Variants in ZNF253 observed in about 807,000 individuals in gnomAD.
ZNF253 encodes zinc finger protein 253.
Under a neutral mutation model 11.9 loss-of-function variants are expected in ZNF253, and 8 were observed. The observed-to-expected ratio is 0.67, with a 90% CI of 0.40 to 1.22. ZNF253 has a LOEUF of 1.22. Among genes scored for constraint, ZNF253 ranks in the 50% most tolerant of loss-of-function variants. The probability of loss-of-function intolerance (pLI) is 0.01; values close to 1 mark genes in which losing one functional copy is unlikely to be tolerated. For missense variants in ZNF253, 485 were observed against 586.9 expected (o/e 0.83, Z 1.79); for synonymous variants, 194 against 194.9 (o/e 1.00, Z 0.04).
rs2063245952 is a variant in ZNF253, at chr19:19,894,419, G to T, written c.*1672G>T. On this transcript the variant is annotated 3_prime_UTR_variant, in exon 4 of 4. Coordinates refer to ENST00000589717, the MANE Select transcript of ZNF253 (RefSeq NM_021047.3). ...ATTATGTATGACCTTTTCTATAAAAGAGTAAGGACATTAAAATGTAAGATG... is the reference window on the plus strand; with the variant it reads ...ATTATGTATGACCTTTTCTATAAAATAGTAAGGACATTAAAATGTAAGATG... 1 of 152,170 alleles carries T rather than the reference G, an allele frequency of 6.6e-6. No homozygotes were observed. The highest frequency in any genetic ancestry group is 1.5e-5 in the Non-Finnish European group (1 of 68,018). The allele number at this position is 152,170 out of a possible 1,614,324, so 9.4% of individuals were successfully genotyped here. A position where few individuals can be genotyped will look rare whatever the true frequency, so the allele number is the denominator to read the frequency against.
At chr19:19,872,599 AT>A (rs1333308970) in intron 1 of ZNF253, among the ~76,000 whole-genome samples, 99 of 136,796 alleles carry the variant, frequency 7.2e-4, no homozygotes, top group African/African-American at 2.9e-3. Flanking sequence ...ATATATATAT[AT>A]AATCAAGTTT....
At chr19:19,885,217 TTCTTTCTTTCTTTC>T (rs1212139740) in intron 3 of ZNF253, among the ~76,000 whole-genome samples, 2 of 40,804 alleles carry the variant, frequency 4.9e-5, no homozygotes, top group South Asian at 7.9e-4. Flanking sequence ...TTTTTTTGTA[TTCTTTCTTTCTTTC>T]TTTCTTTCTT....
intron 1 of ZNF253, among the ~76,000 whole-genome samples, chr19:19,868,200 A>G (rs2063119296): frequency 1.3e-5 from 2 of 152,078 alleles, no homozygotes. Flanking sequence ...TAGTTCAAAT[A>G]GGTCCCATTG....
At chr19:19,867,505 C>T (rs754194657) in intron 1 of ZNF253, among the ~76,000 whole-genome samples, 2 of 152,142 alleles carry the variant, frequency 1.3e-5, no homozygotes, top group African/African-American at 4.8e-5. Context: ...TTGATCTACA[C>T]GCTGGTGTTA....
rs922154760 is a variant in ZNF253 at position 19,865,923 on chromosome 19, G to C, written c.-74G>C. ...CTGTGTCCTGTGCTTATAGAGGCCC[G>C]TCCTCTGTGGCCGTGTGACCTGCAA... On this transcript the variant is annotated 5_prime_UTR_variant, in exon 1 of 4. Coordinates refer to ENST00000589717, the MANE Select transcript of ZNF253 (RefSeq NM_021047.3). The C allele has an allele frequency of 6.3e-7, 1 of 1,591,908 alleles. No individual in the cohort carries two copies. Among genetic ancestry groups the C allele is most frequent in the African/African-American group, 1.3e-5 (1 of 74,420 alleles).
intron 3 of ZNF253, among the ~76,000 whole-genome samples, chr19:19,890,728 G>C (rs533914090): frequency 1.3e-5 from 2 of 151,916 alleles, no homozygotes; most frequent in South Asian, 4.2e-4. Context: ...TCACCATGTT[G>C]GTCAGGCTGG....
chr19:19,867,092 A>ACCT (rs1367975862), intron 1 of ZNF253, among the ~76,000 whole-genome samples: 1 of 152,168 alleles, frequency 6.6e-6, no homozygotes, highest in Non-Finnish European at 1.5e-5. Flanking sequence ...TGTAATAACA[A>ACCT]CACTTCAGGA....
intron 3 of ZNF253, 146 bp downstream of exon 3, chr19:19,880,292 T>TC (rs1555777625): frequency 4.8e-6 from 2 of 413,330 alleles, no homozygotes; most frequent in Non-Finnish European, 8.1e-6. Context: ...TTTTTTTTTT[T>TC]CTCCCACAAA....
At chr19:19,885,279 C>CTT (rs367969173) in intron 3 of ZNF253, among the ~76,000 whole-genome samples, 1 of 33,940 alleles carries the variant, frequency 2.9e-5, no homozygotes, top group South Asian at 9.5e-4. Flanking sequence ...TTCTTTCTTT[C>CTT]TTTCTTTCTT....
chr19:19,875,457 T>C (rs930806967), intron 1 of ZNF253, among the ~76,000 whole-genome samples: 2 of 151,324 alleles, frequency 1.3e-5, no homozygotes, highest in African/African-American at 4.9e-5. Context: ...AGTGCAGTGG[T>C]GGATCTCGGC....
chr19:19,882,403 G>A (rs2063181666), intron 3 of ZNF253, among the ~76,000 whole-genome samples: 1 of 151,986 alleles, frequency 6.6e-6, no homozygotes, highest in Non-Finnish European at 1.5e-5. Context: ...AAGGCTGCTG[G>A]GTCTACCTTT....
chr19:19,879,219 TA>T (rs201483285), intron 2 of ZNF253, among the ~76,000 whole-genome samples: 3 of 151,570 alleles, frequency 2.0e-5, no homozygotes, highest in East Asian at 1.9e-4. Flanking sequence ...CTTAACATGG[TA>T]AAAAAAAATT....
At chr19:19,885,300 T>TTC (rs1555778001) in intron 3 of ZNF253, among the ~76,000 whole-genome samples, 2 of 40,936 alleles carry the variant, frequency 4.9e-5, no homozygotes, top group Non-Finnish European at 7.7e-5. Context: ...TCTCTTTCTT[T>TTC]TCTTTCTTTC....
At chr19:19,873,253 TAAAA>T (rs2063142107) in intron 1 of ZNF253, among the ~76,000 whole-genome samples, 1 of 152,150 alleles carries the variant, frequency 6.6e-6, no homozygotes, top group Non-Finnish European at 1.5e-5. Context: ...TATTTACCTG[TAAAA>T]TGGGATACTG....
At chr19:19,883,536 C>T (rs963789362) in intron 3 of ZNF253, among the ~76,000 whole-genome samples, 4 of 152,078 alleles carry the variant, frequency 2.6e-5, no homozygotes, top group African/African-American at 7.2e-5. Flanking sequence ...AATTGTGCCA[C>T]TACATTGCAG....
chr19:19,888,004 G>T (rs2063213309), intron 3 of ZNF253, among the ~76,000 whole-genome samples: 2 of 151,744 alleles, frequency 1.3e-5, no homozygotes, highest in Admixed American at 1.3e-4. Flanking sequence ...TGACTGGAAA[G>T]ATAATTATAT....
intron 3 of ZNF253, among the ~76,000 whole-genome samples, chr19:19,885,357 CCTTTCTTTTCTTTCTTTT>C (rs557501955): frequency 1.0e-4 from 3 of 29,900 alleles, no homozygotes; most frequent in Non-Finnish European, 1.6e-4. Context: ...TTTCTTTCTT[CCTTTCTTTTCTTTCTTTT>C]CTTTCTTTTC....
At chr19:19,884,074 A>AT in intron 3 of ZNF253, among the ~76,000 whole-genome samples, 1 of 151,994 alleles carries the variant, frequency 6.6e-6, no homozygotes, top group African/African-American at 2.4e-5. Flanking sequence ...AAAAAAAAAA[A>AT]AGATACCTCA....
At position 19,892,101 on chromosome 19, in the gene ZNF253, A is replaced by C; in HGVS notation, c.854A>C (p.Lys285Thr). ...GTTCATACTGGAGAGAAACCCTACA[A>C]ATGTGAAGAATGTGGCAAAGCCTTT... ...KIVHTGEKPYKCEECGKAFKH... is the reference protein window; with the variant it reads ...KIVHTGEKPYTCEECGKAFKH... The change falls in exon 4 of 4, where the codon AAA becomes ACA. Residue 285 changes from lysine to threonine, a missense_variant. By Grantham distance (78) the Lys-to-Thr change is moderately conservative. Coordinates refer to ENST00000589717, the MANE Select transcript of ZNF253 (RefSeq NM_021047.3). 6.2e-7 allele frequency: 1 copy of C among 1,612,114 alleles called. No homozygotes were observed. The highest frequency in any genetic ancestry group is 1.3e-5 in the African/African-American group (1 of 74,266).
Sources: allele counts gnomAD v4.1 joint callset (sites outside exome capture counted in the v4.1 genomes callset), GRCh38; gene constraint gnomAD v4.1.1; transcripts MANE v1.5; gene names NCBI Gene and HGNC (gene_info 2026-07-23, HGNC 2026-07-21).